Variants in PTPRS observed in about 807,000 individuals in gnomAD.
PTPRS encodes the protein receptor-type tyrosine-protein phosphatase S.
PTPRS carries 63 observed loss-of-function variants against 215.3 expected under a neutral mutation model. That is an observed-to-expected ratio of 0.29 (90% confidence interval 0.24 to 0.36). The LOEUF (loss-of-function observed/expected upper bound fraction) is 0.36, where lower values mean the gene tolerates loss of function less well. Among genes scored for constraint, PTPRS ranks in the 10% least tolerant of loss-of-function variants. The pLI, the probability that PTPRS is intolerant of heterozygous loss-of-function variation, is 1.00. For missense variants in PTPRS, 2,258 were observed against 2,825.8 expected, an observed-to-expected ratio of 0.80 and a Z score of 4.56; for synonymous variants, 1,404 against 1,191.4, an observed-to-expected ratio of 1.18 and a Z score of -3.68.
At chr19:5,280,393 G>GT in intron 2 of PTPRS, among the ~76,000 whole-genome samples, 1 of 152,274 alleles carries the variant, frequency 6.6e-6, no homozygotes, top group Middle Eastern at 3.4e-3. Context: ...TGATATGACC[G>GT]TATGTGTGTG....
intron 1 of PTPRS, among the ~76,000 whole-genome samples, chr19:5,312,661 TA>T (rs2049744269): frequency 6.6e-6 from 1 of 152,036 alleles, no homozygotes; most frequent in South Asian, 2.1e-4. Context: ...ACCCTGTCTC[TA>T]AAAAAATTAA....
chr19:5,269,737 A>G (rs1365835069), intron 4 of PTPRS, among the ~76,000 whole-genome samples: 1 of 152,086 alleles, frequency 6.6e-6, no homozygotes, highest in East Asian at 1.9e-4. Context: ...TCTGACCAAC[A>G]TGGCGAAACA....
chr19:5,289,931 C>T (rs1199000957), intron 1 of PTPRS, among the ~76,000 whole-genome samples: 1 of 152,224 alleles, frequency 6.6e-6, no homozygotes, highest in Non-Finnish European at 1.5e-5. Flanking sequence ...CAACCCTCCA[C>T]CATGTCCTCT....
chr19:5,211,421 A>C (rs545521843), intron 33 of PTPRS, among the ~76,000 whole-genome samples, 169 bp downstream of exon 33: 1 of 152,278 alleles, frequency 6.6e-6, no homozygotes, highest in South Asian at 2.1e-4. Context: ...ACACACCCAA[A>C]GATTCACGGA....
rs1043050376 is a variant in PTPRS at position 5,339,256 on chromosome 19, T to G, written c.-95+1408A>C. ...GGAGGCAAGGCACCCCCAATGAGGC[T>G]CTGGGAGGTTTGTTAATTTGGGGGA... On this transcript the variant is annotated intron_variant, in intron 1 of 37. Transcript: ENST00000262963. This position sits in a 1 kb window ranked among gnomAD's most constrained non-coding sequence, Gnocchi z 4.2. Among the ~76,000 whole-genome samples the G allele has an allele frequency of 6.6e-6, 1 of 151,944 alleles. No individual in the cohort carries two copies. The highest frequency in any genetic ancestry group is 1.5e-5 in the Non-Finnish European group (1 of 67,976).
At chr19:5,298,873 A>G (rs978224639) in intron 1 of PTPRS, among the ~76,000 whole-genome samples, 2 of 152,126 alleles carry the variant, frequency 1.3e-5, no homozygotes, top group African/African-American at 4.8e-5. Flanking sequence ...CTGTCCTTCC[A>G]GGGGCTCAGG....
chr19:5,225,185 GCCA>G (rs1362440834), intron 17 of PTPRS, among the ~76,000 whole-genome samples: 3 of 152,180 alleles, frequency 2.0e-5, no homozygotes, highest in Non-Finnish European at 2.9e-5. Context: ...CTGAGGCAGG[GCCA>G]CCAAGAGAAA....
rs993133573 is a variant in PTPRS, at chr19:5,257,865, G to A, written c.706+152C>T. 8.1e-5 allele frequency: 51 copies of A among 625,990 alleles called. No homozygotes were observed. The Middle Eastern group carries it at 1.3e-3, about 16-fold the overall frequency. The allele number at this position is 625,990 out of a possible 1,614,324, so 38.8% of individuals were successfully genotyped here. ...AGGAAACTAAGGCCCAGAGAGGGAC[G>A]CCGCCTCGGCCAAGGTCCCACCGCG... On this transcript the variant is annotated intron_variant, in intron 8 of 37. Transcript: ENST00000262963. This position sits in a 1 kb window ranked among gnomAD's most constrained non-coding sequence, Gnocchi z 4.4.
intron 1 of PTPRS, among the ~76,000 whole-genome samples, chr19:5,316,382 T>C (rs1010387407): frequency 7.1e-6 from 1 of 141,844 alleles, no homozygotes; most frequent in Non-Finnish European, 1.6e-5. Context: ...GCTGATTGGG[T>C]TTTTTTTTCT....
rs1179255024 is a variant in PTPRS at position 5,287,897 on chromosome 19, C to T, written c.-94-1663G>A. Among the ~76,000 whole-genome samples the T allele has an allele frequency of 6.7e-6, 1 of 150,332 alleles. No homozygotes were observed. Among genetic ancestry groups the T allele is most frequent in the African/African-American group, 2.4e-5 (1 of 40,882 alleles). ...TACACACCGACACACAGTCAGACTG[C>T]AAGCGGTTGCATATCTGCAAGAGAC... is the stretch of plus-strand genomic sequence containing the variant. On this transcript the variant is annotated intron_variant, in intron 1 of 37. Transcript: ENST00000262963. This position sits in a 1 kb window ranked among gnomAD's most constrained non-coding sequence, Gnocchi z 4.8.
chr19:5,227,430 T>G (rs79379386), intron 16 of PTPRS, among the ~76,000 whole-genome samples: 1,241 of 117,758 alleles, frequency 0.011, 24 homozygotes, highest in African/African-American at 0.038. Context: ...TTTTTTTTTT[T>G]GGACATAGAG....
chr19:5,310,611 C>T (rs185509990), intron 1 of PTPRS, among the ~76,000 whole-genome samples: 1 of 152,278 alleles, frequency 6.6e-6, no homozygotes, highest in Admixed American at 6.5e-5. Context: ...AGCCACTGCG[C>T]CTGGCCAACT....
At chr19:5,280,515 TCAGGACCAG>T (rs2047755805) in intron 2 of PTPRS, among the ~76,000 whole-genome samples, 1 of 151,662 alleles carries the variant, frequency 6.6e-6, no homozygotes, top group South Asian at 2.1e-4. Context: ...GGTCAGGAGT[TCAGGACCAG>T]CCTGGCCAAC....
chr19:5,288,760 T>G (rs772198123), intron 1 of PTPRS, among the ~76,000 whole-genome samples: 6 of 152,110 alleles, frequency 3.9e-5, no homozygotes, highest in Non-Finnish European at 7.4e-5. Context: ...GGGGCACATA[T>G]ATGGAGGGCC....
intron 9 of PTPRS, among the ~76,000 whole-genome samples, chr19:5,249,931 T>C (rs925179471): frequency 6.6e-6 from 1 of 152,220 alleles, no homozygotes; most frequent in Admixed American, 6.5e-5. Context: ...TATCTCTCCA[T>C]AGGGATGTCA....
chr19:5,241,634 C>T (rs2044048813), intron 11 of PTPRS, among the ~76,000 whole-genome samples: 1 of 151,912 alleles, frequency 6.6e-6, no homozygotes, highest in African/African-American at 2.4e-5. Context: ...CGCTCACAGA[C>T]ATGGACAGAG....
chr19:5,251,781 G>A (rs1052245803), intron 9 of PTPRS, among the ~76,000 whole-genome samples: 1 of 152,042 alleles, frequency 6.6e-6, no homozygotes, highest in Admixed American at 6.5e-5. Flanking sequence ...GATGAGGGTG[G>A]GATGAGAAGG....
In PTPRS at chr19:5,219,366, A is replaced by G; in HGVS notation, c.3867T>C (p.Pro1289=). Residue 1289 remains proline (P), a synonymous_variant, in exon 23 of 38, where the codon CCT becomes CCC. Transcript: ENST00000262963. ...GEEGLIWVIG[P]VLAVVFIICI... ...AGATTATGAAGACCACGGCCAGCAC[A>G]GGCCCGATCACCCAGATAAGCCCCT... is the stretch of plus-strand genomic sequence containing the variant. The G allele has an allele frequency of 6.2e-7, 1 of 1,614,016 alleles. No individual in the cohort carries two copies. The highest frequency in any genetic ancestry group is 8.5e-7 in the Non-Finnish European group (1 of 1,179,960).
chr19:5,243,199 A>G (rs2044196944), intron 11 of PTPRS, among the ~76,000 whole-genome samples: 1 of 149,588 alleles, frequency 6.7e-6, no homozygotes, highest in African/African-American at 2.5e-5. Context: ...CAATGGTGCG[A>G]TCTTGGCTCA....
Sources: gnomAD v4.1 joint callset for allele counts (sites outside exome capture counted in the v4.1 genomes callset) on GRCh38, gnomAD v4.1.1 for gene constraint, Gnocchi (gnomAD v3.1) non-coding constraint, MANE v1.5 for transcripts, NCBI Gene and HGNC (gene_info 2026-07-23, HGNC 2026-07-21) for gene names.